The following POGZ variants were observed in gnomAD, a reference collection of about 807,000 sequenced individuals.
POGZ encodes pogo transposable element derived with ZNF domain, also known as pogo transposable element with ZNF domain.
In POGZ, 17 loss-of-function variants were observed where a neutral mutation model predicts 134.6. The observed-to-expected ratio is 0.13, with a 90% CI of 0.09 to 0.19. The LOEUF is 0.19. Among genes scored for constraint, POGZ ranks in the 10% least tolerant of loss-of-function variants. The pLI is 1.00. For missense variants in POGZ, 1,306 were observed against 1,769.7 expected (o/e 0.74, Z 4.70); for synonymous variants, 693 against 657.1 (o/e 1.05, Z -0.84).
At position 151,408,446 on chromosome 1, in the gene POGZ, C is replaced by G. The variant is rs541476793; in HGVS notation, c.2197G>C (p.Val733Leu). 1.8e-5 allele frequency: 28 copies of G among 1,595,772 alleles called. No individual in the cohort carries two copies. The highest frequency in any genetic ancestry group is 2.2e-5 in the Non-Finnish European group (26 of 1,175,552). The part of the protein sequence containing the change: ...DPLPVFLYPP[V>L]QRSIQKRAVR... ...GCTCTCTTCTGGATGCTGCGCTGGA[C>G]AGGGGGATAAAGGAAGACAGGCAGA... Residue 733 changes from valine to leucine, a missense_variant, in exon 14 of 19, where the codon GTC (valine) becomes CTC (leucine). Transcript: ENST00000271715.
rs116978277 is a variant in POGZ at position 151,428,932 on chromosome 1, C to T, written c.569-519G>A. ...AAAAATAAAGAAATGCCAGGGTAAG[C>T]TGGTCAGACTTAAACCCCTATGGGC... On this transcript the variant is annotated intron_variant, in intron 5 of 18. Coordinates refer to ENST00000271715, the MANE Select transcript of POGZ (RefSeq NM_015100.4). 2.5e-4 allele frequency among the ~76,000 whole-genome samples: 38 copies of T among 152,146 alleles called. No individual in the cohort carries two copies. The East Asian group carries it at 6.0e-3, about 24-fold the overall frequency.
rs765656658 is a variant in POGZ at position 151,405,522 on chromosome 1, G to A, written c.3513C>T (p.Pro1171=). 9 of 1,614,228 alleles carry A rather than the reference G, an allele frequency of 5.6e-6. No homozygotes were observed. Among genetic ancestry groups the A allele is most frequent in the Non-Finnish European group, 7.6e-6 (9 of 1,180,040 alleles). ...TCTGCCCTCTGTAGAAAACCAGGGT[G>A]GGAAGGACAGTGCCATCTGCCAGAA... The part of the protein sequence containing the change: ...LAILADGTVL[P]TLVFYRGQMD... The change falls in exon 19 of 19, where the codon CCC becomes CCT. Residue 1171 remains proline (P), a synonymous_variant. Coordinates refer to ENST00000271715, the MANE Select transcript of POGZ (RefSeq NM_015100.4). This position sits in a 1 kb window ranked among gnomAD's most constrained non-coding sequence, Gnocchi z 4.9.
At chr1:151,447,051 T>C (rs756063432) in intron 1 of POGZ, among the ~76,000 whole-genome samples, 5 of 152,112 alleles carry the variant, frequency 3.3e-5, no homozygotes, top group Non-Finnish European at 7.3e-5. Flanking sequence ...TATTTTGGTA[T>C]GTAGGTCTAA....
intron 10 of POGZ, among the ~76,000 whole-genome samples, chr1:151,416,379 G>A (rs1655695824): frequency 6.6e-6 from 1 of 151,884 alleles, no homozygotes; most frequent in African/African-American, 2.4e-5. Context: ...CAACATGCCT[G>A]TAGTCCCAGC....
intron 10 of POGZ, among the ~76,000 whole-genome samples, chr1:151,415,600 G>C (rs1296565002): frequency 6.9e-6 from 1 of 144,712 alleles, no homozygotes; most frequent in Non-Finnish European, 1.5e-5. Flanking sequence ...GAACCCAGGA[G>C]ACAGAGCTTG....
At position 151,403,452 on chromosome 1, in the gene POGZ, AG is replaced by A. The variant is rs1653049531; in HGVS notation, c.*1349del. ...GCAGTTTGCCTCCTTGGCTCACAGG[AG>A]GGGAACATTGTGGAAAGCCTCAGGA... On this transcript the variant is annotated 3_prime_UTR_variant, in exon 19 of 19. Transcript: ENST00000271715. The A allele has an allele frequency of 1.0e-6, 1 of 985,820 alleles. No homozygotes were observed. Among genetic ancestry groups the A allele is most frequent in the Middle Eastern group, 5.2e-4 (1 of 1,914 alleles). The allele number at this position is 985,820 out of a possible 1,614,324, so 61.1% of individuals were successfully genotyped here.
Position 151,424,305 on chromosome 1 carries a change from G to T in POGZ, c.1186-19C>A. ...AACAGTACTATAAAGAAAGACATCT[G>T]ATCATTCTGGTTATCCTGGGGGCTA... On this transcript the variant is annotated intron_variant, in intron 8 of 18. Coordinates refer to ENST00000271715, the MANE Select transcript of POGZ (RefSeq NM_015100.4). 3.5e-6 allele frequency: 5 copies of T among 1,435,466 alleles called. 1 individual carries two copies. The highest frequency in any genetic ancestry group is 1.3e-5 in the South Asian group (1 of 75,380). The allele number at this position is 1,435,466 out of a possible 1,614,324, so 88.9% of individuals were successfully genotyped here.
chr1:151,411,669 A>T lies in POGZ; in HGVS notation c.1882T>A (p.Phe628Ile). 6.2e-7 allele frequency: 1 copy of T among 1,613,116 alleles called. No individual in the cohort carries two copies. Among genetic ancestry groups the T allele is most frequent in the Non-Finnish European group, 8.5e-7 (1 of 1,179,556 alleles). ...TGTTGGAATGCATTGCCATTTTTGA[A>T]GACCTTCAGGCAATAAGGGCAGAGC... ...HLLCPYCLKV[F>I]KNGNAFQQHY... is the part of the protein sequence containing the mutation. Residue 628 changes from phenylalanine to isoleucine, a missense_variant, in exon 12 of 19, where the codon TTC becomes ATC. Physicochemically the swap from Phe to Ile is conservative, Grantham distance 21. Around this residue, in one of 10 missense-constraint regions of POGZ, gnomAD observed 149 missense variants for 237.5 expected, o/e 0.63. Transcript: ENST00000271715.
intron 1 of POGZ, among the ~76,000 whole-genome samples, chr1:151,447,666 T>TC (rs1571568070): frequency 6.8e-6 from 1 of 147,310 alleles, no homozygotes; most frequent in East Asian, 2.0e-4. Flanking sequence ...TTTTTTTTTT[T>TC]TTTGGTAGAG....
chr1:151,429,093 G>T (rs528647306), intron 5 of POGZ, among the ~76,000 whole-genome samples: 1 of 140,628 alleles, frequency 7.1e-6, no homozygotes, highest in South Asian at 2.2e-4. Flanking sequence ...AAAATTCTAA[G>T]ATTTTAAAAA....
chr1:151,423,566 A>G lies in POGZ; in HGVS notation c.1524-15T>C, dbSNP rs375433765. On this transcript the variant is annotated splice_polypyrimidine_tract_variant and intron_variant, in intron 9 of 18. Transcript: ENST00000271715. ...GGTTCATGAATCTGTAATAAAGCACAAAGAGAAAGTACAGAAAACATAAAA... is the reference window on the plus strand; with the variant it reads ...GGTTCATGAATCTGTAATAAAGCACGAAGAGAAAGTACAGAAAACATAAAA... The G allele has an allele frequency of 1.8e-4, 279 of 1,587,494 alleles. 2 individuals are homozygous for G. The highest frequency in any genetic ancestry group is 1.3e-3 in the Middle Eastern group (8 of 6,008).
rs185937528 is a variant in POGZ at position 151,423,838 on chromosome 1, C to T, written c.1523+111G>A. ...GTTATTGATTTAATGATAACCCCAG[C>T]AAGACTGCATAGTAGTTAGGTCCAT... On this transcript the variant is annotated intron_variant, in intron 9 of 18. Coordinates refer to ENST00000271715, the MANE Select transcript of POGZ (RefSeq NM_015100.4). The T allele has an allele frequency of 4.6e-5, 37 of 807,672 alleles. No individual in the cohort carries two copies. In the African/African-American group the frequency reaches 5.0e-4, roughly 11 times the overall value. The allele number at this position is 807,672 out of a possible 1,614,324, so 50.0% of individuals were successfully genotyped here.
intron 3 of POGZ, among the ~76,000 whole-genome samples, chr1:151,437,326 G>T (rs1659788931): frequency 6.6e-6 from 1 of 151,532 alleles, no homozygotes; most frequent in African/African-American, 2.4e-5. Context: ...TACCCTTTAT[G>T]GTTAGCTCTG....
chr1:151,422,483 C>A (rs1318630790), intron 10 of POGZ, among the ~76,000 whole-genome samples: 3 of 152,174 alleles, frequency 2.0e-5, no homozygotes, highest in East Asian at 1.9e-4. Context: ...TTTCTTTGAG[C>A]TTATGTTCAG....
intron 1 of POGZ, among the ~76,000 whole-genome samples, chr1:151,455,918 T>TTTA (rs957916473): frequency 6.7e-6 from 1 of 149,598 alleles, no homozygotes; most frequent in African/African-American, 2.5e-5. Context: ...TTTTTTTTTT[T>TTTA]AATAAATAGA....
At position 151,429,564 on chromosome 1, in the gene POGZ, A is replaced by T. The variant is rs913824544; in HGVS notation, c.568+39T>A. ...AGAACAATAAAAACAAATCTTCTGG[A>T]TGCCAGTTTATTCCAAATGGATAGA... On this transcript the variant is annotated intron_variant, in intron 5 of 18. Coordinates refer to ENST00000271715, the MANE Select transcript of POGZ (RefSeq NM_015100.4). 3.0e-6 allele frequency: 3 copies of T among 1,005,538 alleles called. No homozygotes were observed. In the African/African-American group the frequency reaches 4.8e-5, roughly 16 times the overall value. 62.3% of individuals were successfully genotyped at this position (1,005,538 alleles called of 1,614,324 possible).
At chr1:151,406,861 G>T in intron 17 of POGZ, 50 bp downstream of exon 17, 1 of 1,397,646 alleles carries the variant, frequency 7.2e-7, no homozygotes, top group Non-Finnish European at 1.0e-6. Flanking sequence ...GTACGAACCT[G>T]TATCTTTTTT....
In POGZ at chr1:151,404,874, G is replaced by T. The variant is rs754749648; in HGVS notation, c.4161C>A (p.Leu1387=). 10 of 1,613,972 alleles carry T rather than the reference G, an allele frequency of 6.2e-6. No individual in the cohort carries two copies. The South Asian group carries it at 9.9e-5, about 16-fold the overall frequency. The change falls in exon 19 of 19, where the codon CTC becomes CTA. Residue 1387 remains leucine, a synonymous_variant. Coordinates refer to ENST00000271715, the MANE Select transcript of POGZ (RefSeq NM_015100.4). ...ACTCGGTCTCACTTTCACCCTCAAA[G>T]AGCTGGTGAAGACTTTCAGGCTCAA... is the stretch of plus-strand genomic sequence containing the variant. ...ETIEPESLHQ[L]FEGESETESF...
At chr1:151,451,581 C>A (rs1048864882) in intron 1 of POGZ, among the ~76,000 whole-genome samples, 1 of 151,802 alleles carries the variant, frequency 6.6e-6, no homozygotes, top group African/African-American at 2.4e-5. Flanking sequence ...CCGCCTCAGT[C>A]TCCCAAAGTG....
Sources: allele counts gnomAD v4.1 joint callset (sites outside exome capture counted in the v4.1 genomes callset), GRCh38; gene constraint gnomAD v4.1.1; regional missense constraint gnomAD v4.1.1; non-coding constraint Gnocchi (gnomAD v3.1); transcripts MANE v1.5; gene names NCBI Gene and HGNC (gene_info 2026-07-23, HGNC 2026-07-21).